ADH1B: variants seen among roughly 807,000 people sequenced by gnomAD.
ADH1B encodes all-trans-retinol dehydrogenase [NAD(+)] ADH1B.
Under a neutral mutation model 34.6 loss-of-function variants are expected in ADH1B, and 29 were observed. That is an observed-to-expected ratio of 0.84 (90% confidence interval 0.62 to 1.14). The LOEUF is 1.14. Ranked by LOEUF, ADH1B falls within the 50% of genes most tolerant of loss-of-function variation. The pLI is 0.00. For missense variants in ADH1B, 424 were observed against 468.4 expected, an observed-to-expected ratio of 0.91 and a Z score of 0.87; for synonymous variants, 170 against 175.5, an observed-to-expected ratio of 0.97 and a Z score of 0.25.
intron 6 of ADH1B, among the ~76,000 whole-genome samples, chr4:99,312,195 A>T (rs1312116668): frequency 6.6e-6 from 1 of 152,218 alleles, no homozygotes; most frequent in African/African-American, 2.4e-5. Flanking sequence ...ATGGTTAAAG[A>T]TCCCCGTAGG....
intron 8 of ADH1B, among the ~76,000 whole-genome samples, chr4:99,309,871 G>A (rs1448012752): frequency 2.0e-5 from 3 of 152,082 alleles, no homozygotes; most frequent in Non-Finnish European, 4.4e-5. Context: ...TAATAGAACA[G>A]CTGGTGCTCG....
Position 99,321,301 on chromosome 4 carries a change from A to G in ADH1B, c.18+13T>C. 1 of 1,606,626 alleles carries G rather than the reference A, an allele frequency of 6.2e-7. No individual in the cohort carries two copies. Among genetic ancestry groups the G allele is most frequent in the Non-Finnish European group, 8.5e-7 (1 of 1,174,088 alleles). On this transcript the variant is annotated intron_variant, in intron 1 of 8. Coordinates refer to ENST00000305046, the MANE Select transcript of ADH1B (RefSeq NM_000668.6). ...GAGAATATATTACCAACAGTAATAT[A>G]TTTTTTGCTTACTTTTCCTGCTGTG...
At chr4:99,311,474 A>G (rs1733752438) in intron 7 of ADH1B, 47 bp downstream of exon 7, 3 of 1,596,262 alleles carry the variant, frequency 1.9e-6, no homozygotes, top group Non-Finnish European at 2.6e-6. Flanking sequence ...GATTAATGAG[A>G]TATATTGAGA....
At chr4:99,316,180 T>C in intron 4 of ADH1B, 35 bp downstream of exon 4, 1 of 1,613,976 alleles carries the variant, frequency 6.2e-7, no homozygotes, top group Non-Finnish European at 8.5e-7. Flanking sequence ...ATGTGCAAAC[T>C]CAAAGTCTGT....
In ADH1B at chr4:99,311,592, G is replaced by C; in HGVS notation, c.893C>G (p.Ala298Gly). 1.2e-6 allele frequency: 2 copies of C among 1,614,076 alleles called. No individual in the cohort carries two copies. Among genetic ancestry groups the C allele is most frequent in the Non-Finnish European group, 1.7e-6 (2 of 1,179,966 alleles). ...GTSVIVGVPP[A>G]SQNLSINPML... ...AGGGTTTATTGAGAGGTTCTGGGAA[G>C]CAGGAGGTACCCCTACGATGACGCT... Residue 298 changes from alanine to glycine, a missense_variant, in exon 7 of 9, where the codon GCT becomes GGT. Transcript: ENST00000305046.
intron 7 of ADH1B, 78 bp from the exon 8 acceptor site, chr4:99,310,981 C>A: frequency 6.5e-7 from 1 of 1,543,934 alleles, no homozygotes; most frequent in South Asian, 1.2e-5. Flanking sequence ...CCAAATAAAT[C>A]AAAGTTTAGA....
At chr4:99,312,231 T>C (rs1018248709) in intron 6 of ADH1B, among the ~76,000 whole-genome samples, 1 of 152,250 alleles carries the variant, frequency 6.6e-6, no homozygotes, top group African/African-American at 2.4e-5. Flanking sequence ...TCTTTGATTT[T>C]GGATTCTGAC....
rs773106812 is a variant in ADH1B, at chr4:99,318,899, AC to A, written c.19-14del. On this transcript the variant is annotated splice_polypyrimidine_tract_variant and intron_variant, in intron 1 of 8. Coordinates refer to ENST00000305046, the MANE Select transcript of ADH1B (RefSeq NM_000668.6). ...TGCATTTGATTACCTAGAAAATCAA[AC>A]AGAGAGATGGTGACAGTGTTTTCCC... is the stretch of plus-strand genomic sequence containing the variant. 18 of 1,609,798 alleles carry A rather than the reference AC, an allele frequency of 1.1e-5. No homozygotes were observed. Among genetic ancestry groups the A allele is most frequent in the Non-Finnish European group, 1.5e-5 (18 of 1,176,212 alleles).
At chr4:99,315,660 C>T in intron 5 of ADH1B, 3 of 583,906 alleles carry the variant, frequency 5.1e-6, no homozygotes, top group Non-Finnish European at 9.0e-6. Flanking sequence ...ATCCCATAAA[C>T]AGCAAATTCA....
At chr4:99,319,803 A>G (rs946230475) in intron 1 of ADH1B, 1 of 152,196 alleles carries the variant, frequency 6.6e-6, no homozygotes, top group Non-Finnish European at 1.5e-5. Flanking sequence ...AATTGCAAAT[A>G]TAATTTAAAA....
intron 8 of ADH1B, among the ~76,000 whole-genome samples, chr4:99,308,334 A>G (rs1340297806): frequency 6.7e-6 from 1 of 150,194 alleles, no homozygotes; most frequent in Non-Finnish European, 1.5e-5. Flanking sequence ...AGACTTAGAA[A>G]GATTTGTAAC....
At chr4:99,312,261 C>T (rs1213933745) in intron 6 of ADH1B, among the ~76,000 whole-genome samples, 1 of 152,144 alleles carries the variant, frequency 6.6e-6, no homozygotes, top group Admixed American at 6.5e-5. Flanking sequence ...ACCAGACATC[C>T]TCAGAACATG....
At chr4:99,310,994 AG>A in intron 7 of ADH1B, 91 bp from the exon 8 acceptor site, 1 of 1,476,298 alleles carries the variant, frequency 6.8e-7, no homozygotes, top group East Asian at 2.3e-5. Flanking sequence ...AGTTTAGAAA[AG>A]GTGCTCCATT....
At chr4:99,316,593 C>T (rs1733891755) in intron 3 of ADH1B, 1 of 258,052 alleles carries the variant, frequency 3.9e-6, no homozygotes, top group Non-Finnish European at 7.4e-6. Context: ...GTACTGATTT[C>T]TCCTGGAGGC....
chr4:99,319,271 C>T (rs909566406), intron 1 of ADH1B: 5 of 313,334 alleles, frequency 1.6e-5, no homozygotes, highest in Admixed American at 9.1e-5. Flanking sequence ...GAGTCAGTGT[C>T]TGTCTACATA....
chr4:99,315,768 G>C, intron 5 of ADH1B, 130 bp downstream of exon 5: 1 of 1,128,204 alleles, frequency 8.9e-7, no homozygotes, highest in East Asian at 2.5e-5. Flanking sequence ...TTCTTTCTGG[G>C]CCATTTTTCT....
intron 5 of ADH1B, 104 bp from the exon 6 acceptor site, chr4:99,314,185 CTCT>C: frequency 6.6e-7 from 1 of 1,508,914 alleles, no homozygotes; most frequent in Non-Finnish European, 8.9e-7. Context: ...ACTACTCAGA[CTCT>C]TTTGTCCAAC....
intron 5 of ADH1B, 48 bp from the exon 6 acceptor site, chr4:99,314,129 A>T (rs760667354): frequency 6.2e-7 from 1 of 1,602,456 alleles, no homozygotes; most frequent in Non-Finnish European, 8.5e-7. Flanking sequence ...GATTGTTAGA[A>T]AGTGCCTAAG....
In ADH1B at chr4:99,316,322, G is replaced by C; in HGVS notation, c.260-20C>G. 6.2e-7 allele frequency: 1 copy of C among 1,605,982 alleles called. No individual in the cohort carries two copies. Among genetic ancestry groups the C allele is most frequent in the Non-Finnish European group, 8.5e-7 (1 of 1,173,016 alleles). ...TATCACCTGGAGAGGAATAAAACAA[G>C]TTCTTCTTAAATTTCTATGCAGTAA... On this transcript the variant is annotated intron_variant, in intron 3 of 8. Coordinates refer to ENST00000305046, the MANE Select transcript of ADH1B (RefSeq NM_000668.6).
Sources: gnomAD v4.1 joint callset for allele counts (sites outside exome capture counted in the v4.1 genomes callset) on GRCh38, gnomAD v4.1.1 for gene constraint, MANE v1.5 for transcripts, NCBI Gene and HGNC (gene_info 2026-07-23, HGNC 2026-07-21) for gene names.